The following CRPPA variants were observed in gnomAD, a reference collection of about 807,000 sequenced individuals.
The protein encoded by CRPPA is D-ribitol-5-phosphate cytidylyltransferase.
A neutral mutation model predicts 52.0 loss-of-function variants in CRPPA; 43 were observed. The ratio of observed to expected loss-of-function variants is 0.83; its 90% CI spans 0.65 to 1.07. CRPPA has a LOEUF of 1.07. CRPPA is among the 50% of genes least tolerant of loss of function. The pLI, the probability that CRPPA is intolerant of heterozygous loss-of-function variation, is 0.00. For missense variants in CRPPA, 629 were observed against 551.7 expected (o/e 1.14, Z -1.40); for synonymous variants, 250 against 203.5 (o/e 1.23, Z -1.94).
At chr7:16,359,341 T>C (rs1006973152) in intron 3 of CRPPA, among the ~76,000 whole-genome samples, 1 of 152,198 alleles carries the variant, frequency 6.6e-6, no homozygotes, top group Admixed American at 6.5e-5. Context: ...TCATTACTAG[T>C]ACACATGTAA....
intron 2 of CRPPA, among the ~76,000 whole-genome samples, chr7:16,380,524 T>C (rs1787053727): frequency 2.6e-5 from 4 of 152,188 alleles, no homozygotes; most frequent in Admixed American, 2.6e-4. Flanking sequence ...TAGGGAGGAT[T>C]CCCTCTTTTT....
At chr7:16,278,281 T>C in intron 5 of CRPPA, 55 bp from the exon 6 acceptor site, 1 of 847,732 alleles carries the variant, frequency 1.2e-6, no homozygotes, top group South Asian at 1.6e-5. Flanking sequence ...AACAAGGCCC[T>C]AGGATGCTGA....
intron 2 of CRPPA, among the ~76,000 whole-genome samples, chr7:16,398,186 C>T (rs1008615045): frequency 2.0e-5 from 3 of 151,928 alleles, no homozygotes; most frequent in Non-Finnish European, 2.9e-5. Flanking sequence ...CGGCCTGTTG[C>T]CAACATGACA....
intron 9 of CRPPA, among the ~76,000 whole-genome samples, chr7:16,183,828 G>C (rs546719380): frequency 6.6e-6 from 1 of 152,236 alleles, no homozygotes; most frequent in South Asian, 2.1e-4. Context: ...TCCCTGAAAA[G>C]GTTTGGTATT....
At chr7:16,206,586 T>C (rs1271254114) in intron 9 of CRPPA, among the ~76,000 whole-genome samples, 2 of 152,012 alleles carry the variant, frequency 1.3e-5, no homozygotes, top group Non-Finnish European at 2.9e-5. Context: ...AAAAAGAACA[T>C]AGTAAAAATT....
At chr7:16,184,587 C>A (rs566596955) in intron 9 of CRPPA, among the ~76,000 whole-genome samples, 1 of 152,156 alleles carries the variant, frequency 6.6e-6, no homozygotes, top group African/African-American at 2.4e-5. Flanking sequence ...TGCTGCTTCT[C>A]AATGGCAGAG....
chr7:16,406,312 C>A lies in CRPPA; in HGVS notation c.283G>T (p.Val95Leu), dbSNP rs751704613. 2 of 1,613,710 alleles carry A rather than the reference C, an allele frequency of 1.2e-6. No homozygotes were observed. Among genetic ancestry groups the A allele is most frequent in the South Asian group, 2.2e-5 (2 of 91,070 alleles). The change falls in exon 2 of 10, where the codon GTG (valine) becomes TTG (leucine). Residue 95 changes from valine (V) to leucine (L), a missense_variant. Val to Leu is a conservative substitution (Grantham distance 32). Transcript: ENST00000407010. ...TCCATGTTCTCTCCAGTTACTGCCACAACAATGTCCTTTATCCAACATACT... is the reference window on the plus strand; with the variant it reads ...TCCATGTTCTCTCCAGTTACTGCCAAAACAATGTCCTTTATCCAACATACT... ...ERVCWIKDIV[V>L]AVTGENMEVM...
At chr7:16,410,209 G>C (rs566139125) in intron 1 of CRPPA, among the ~76,000 whole-genome samples, 10 of 152,274 alleles carry the variant, frequency 6.6e-5, no homozygotes, top group Middle Eastern at 3.4e-3. Context: ...CACCTTGGGA[G>C]GATGTTTATC....
At chr7:16,209,273 C>CTATTTTTTTTTTTTTTTTTTTT (rs1554289526) in intron 9 of CRPPA, 1 of 122,066 alleles carries the variant, frequency 8.2e-6, no homozygotes, top group Non-Finnish European at 1.8e-5. Flanking sequence ...TTCTAAGTGT[C>CTATTTTTTTTTTTTTTTTTTTT]TTTTTTTTTT....
chr7:16,139,455 CG>C lies in CRPPA; in HGVS notation c.1252-47657del, dbSNP rs199893585. Among the ~76,000 whole-genome samples, 491 of 152,030 alleles carry C rather than the reference CG, an allele frequency of 3.2e-3. 4 individuals carry two copies. The highest frequency in any genetic ancestry group is 0.011 in the African/African-American group (468 of 41,458). ...TTTATGACTGATTCATTTGATATTA[CG>C]GGGGGTAAAGGTAAATTTAAAACTT... is the stretch of plus-strand genomic sequence containing the variant. On this transcript the variant is annotated intron_variant, in intron 9 of 9. Transcript: ENST00000407010.
At chr7:16,109,441 T>C (rs1277787402) in intron 9 of CRPPA, among the ~76,000 whole-genome samples, 3 of 151,926 alleles carry the variant, frequency 2.0e-5, no homozygotes, top group African/African-American at 7.2e-5. Flanking sequence ...AGGAAAAGTC[T>C]AGGACCTGAG....
intron 2 of CRPPA, 135 bp from the exon 3 acceptor site, chr7:16,376,376 T>C: frequency 2.4e-6 from 2 of 849,212 alleles, no homozygotes; most frequent in Non-Finnish European, 3.5e-6. Flanking sequence ...TCTGAGTAAG[T>C]GTGATTGGTT....
chr7:16,345,329 CCTGTG>C (rs1415238435), intron 3 of CRPPA, among the ~76,000 whole-genome samples: 1 of 152,134 alleles, frequency 6.6e-6, no homozygotes, highest in East Asian at 1.9e-4. Flanking sequence ...TGCTAGTCAA[CCTGTG>C]CTACAAGAAA....
In CRPPA at chr7:16,275,476, G is replaced by A. The variant is rs570548669; in HGVS notation, c.933+2653C>T. Among the ~76,000 whole-genome samples the A allele has an allele frequency of 5.9e-5, 9 of 152,234 alleles. No individual in the cohort carries two copies. The South Asian group carries it at 6.2e-4, about 11-fold the overall frequency. ...GAAAGTACAGGCAAAGGACGGCCAC[G>A]GAGGTGTTATTTTGACTCATCCCTT... On this transcript the variant is annotated intron_variant, in intron 6 of 9. Transcript: ENST00000407010.
At chr7:16,395,910 G>A (rs1271720134) in intron 2 of CRPPA, among the ~76,000 whole-genome samples, 1 of 152,106 alleles carries the variant, frequency 6.6e-6, no homozygotes, top group East Asian at 1.9e-4. Flanking sequence ...CAAAGCAAAA[G>A]CTTTTTCACA....
intron 8 of CRPPA, among the ~76,000 whole-genome samples, chr7:16,231,978 T>C (rs1219735470): frequency 1.3e-5 from 2 of 152,140 alleles, no homozygotes; most frequent in Non-Finnish European, 2.9e-5. Flanking sequence ...AGAGATGAAG[T>C]TAAGAATCTG....
At chr7:16,254,752 A>G (rs1430927997) in intron 8 of CRPPA, among the ~76,000 whole-genome samples, 3 of 150,484 alleles carry the variant, frequency 2.0e-5, no homozygotes, top group Non-Finnish European at 4.4e-5. Context: ...AAAGACAGAA[A>G]GAAAGAAAGA....
intron 9 of CRPPA, among the ~76,000 whole-genome samples, chr7:16,147,741 A>G (rs757616681): frequency 6.6e-6 from 1 of 152,186 alleles, no homozygotes; most frequent in African/African-American, 2.4e-5. Flanking sequence ...ATATTTGTTC[A>G]AAGGATAAAT....
At chr7:16,254,838 A>AAAGG (rs1783586419) in intron 8 of CRPPA, among the ~76,000 whole-genome samples, 1 of 150,390 alleles carries the variant, frequency 6.6e-6, no homozygotes, top group Admixed American at 6.7e-5. Flanking sequence ...AGAAAGAAAG[A>AAAGG]AAGAAAGAGA....
Sources: allele counts gnomAD v4.1 joint callset (sites outside exome capture counted in the v4.1 genomes callset), GRCh38; gene constraint gnomAD v4.1.1; transcripts MANE v1.5; gene names NCBI Gene and HGNC (gene_info 2026-07-23, HGNC 2026-07-21).